The following PIK3CD variants were observed in gnomAD, a reference collection of about 807,000 sequenced individuals.
PIK3CD encodes phosphatidylinositol-4,5-bisphosphate 3-kinase catalytic subunit delta, also known as phosphatidylinositol 4,5-bisphosphate 3-kinase catalytic subunit delta isoform.
PIK3CD carries 20 observed loss-of-function variants against 122.9 expected under a neutral mutation model. That is an observed-to-expected ratio of 0.16 (90% CI 0.11 to 0.24). The LOEUF (loss-of-function observed/expected upper bound fraction) is 0.24, where lower values mean the gene tolerates loss of function less well. Among genes scored for constraint, PIK3CD ranks in the 10% least tolerant of loss-of-function variants. PIK3CD has a pLI of 1.00. For missense variants in PIK3CD, 787 were observed against 1,406.3 expected, an observed-to-expected ratio of 0.56 and a Z score of 7.04; for synonymous variants, 596 against 593.4, an observed-to-expected ratio of 1.00 and a Z score of -0.06.
At chr1:9,646,763 G>C (rs1048773972), upstream of PIK3CD, among the ~76,000 whole-genome samples, 2 of 152,042 alleles carry the variant, frequency 1.3e-5, no homozygotes, top group Non-Finnish European at 2.9e-5. Context: ...GACCAGCCTG[G>C]CCAACATGGT....
chr1:9,657,576 C>T (rs1644894065), intron 1 of PIK3CD, among the ~76,000 whole-genome samples: 5 of 152,072 alleles, frequency 3.3e-5, no homozygotes, highest in Admixed American at 2.6e-4. Flanking sequence ...CCCCAACCTC[C>T]TGGGGTCCCA....
intron 2 of PIK3CD, among the ~76,000 whole-genome samples, chr1:9,708,172 TTTTG>T (rs368197254): frequency 0.016 from 2,446 of 151,272 alleles, 49 homozygotes; most frequent in African/African-American, 0.043. Context: ...CATACAGGCT[TTTTG>T]TTTGTTTGTT....
At chr1:9,636,950 T>A in the PIK3CD span, among the ~76,000 whole-genome samples, 1 of 151,942 alleles carries the variant, frequency 6.6e-6, no homozygotes, top group Non-Finnish European at 1.5e-5. Context: ...CAGGCTGGAA[T>A]GCAGTGGCCC....
At chr1:9,702,196 T>C (rs1646660120) in intron 2 of PIK3CD, among the ~76,000 whole-genome samples, 1 of 151,986 alleles carries the variant, frequency 6.6e-6, no homozygotes, top group East Asian at 1.9e-4. Context: ...GGTTTCACCA[T>C]GTTGGCCAGG....
intron 1 of PIK3CD, among the ~76,000 whole-genome samples, chr1:9,664,679 T>A (rs984879399): frequency 6.6e-6 from 1 of 152,142 alleles, no homozygotes; most frequent in Non-Finnish European, 1.5e-5. Context: ...CAGGGAGAGT[T>A]GTTTGTTGGG....
chr1:9,639,135 C>T, the PIK3CD span, among the ~76,000 whole-genome samples: 1 of 152,068 alleles, frequency 6.6e-6, no homozygotes, highest in African/African-American at 2.4e-5. Context: ...GAAATGGTTT[C>T]TTCTAATCCT....
Position 9,722,589 on chromosome 1 carries a change from G to A in PIK3CD, c.2409G>A (p.Gln803=), listed in dbSNP as rs1648852763. ...MIQLMDVLWK[Q]EGLDLRMTPY... ...AGCTCATGGACGTCCTGTGGAAGCA[G>A]GAGGGGCTGGACCTGAGGTGAGGAC... is the stretch of plus-strand genomic sequence containing the variant. Residue 803 remains glutamine (Q), a synonymous_variant, in exon 19 of 24, where the codon CAG becomes CAA. Transcript: ENST00000377346. This position sits in a 1 kb window ranked among gnomAD's most constrained non-coding sequence, Gnocchi z 7.6. 5.0e-6 allele frequency: 8 copies of A among 1,613,672 alleles called. No homozygotes were observed. The highest frequency in any genetic ancestry group is 6.8e-6 in the Non-Finnish European group (8 of 1,179,904).
At chr1:9,686,049 T>C (rs1263520706) in intron 1 of PIK3CD, among the ~76,000 whole-genome samples, 1 of 152,166 alleles carries the variant, frequency 6.6e-6, no homozygotes, top group Non-Finnish European at 1.5e-5. Flanking sequence ...ACAGCAAAAG[T>C]GTGATGAAAT....
chr1:9,716,732 T>A (rs1647526777), intron 6 of PIK3CD, 113 bp downstream of exon 6: 1 of 1,253,118 alleles, frequency 8.0e-7, no homozygotes. Context: ...AGCCAGGCCT[T>A]TGGGTCACCG....
chr1:9,696,483 G>A (rs1313544916), intron 2 of PIK3CD, among the ~76,000 whole-genome samples: 1 of 151,696 alleles, frequency 6.6e-6, no homozygotes. Context: ...TAGGTATGGT[G>A]GCCCACACCT....
chr1:9,699,202 C>CCT (rs1305926683), intron 2 of PIK3CD, among the ~76,000 whole-genome samples: 1 of 151,904 alleles, frequency 6.6e-6, no homozygotes, highest in African/African-American at 2.4e-5. Context: ...AGAATGAGAC[C>CCT]CTCTCTGCGA....
chr1:9,726,664 T>C (rs1250384943), intron 23 of PIK3CD, among the ~76,000 whole-genome samples: 1 of 152,152 alleles, frequency 6.6e-6, no homozygotes, highest in East Asian at 1.9e-4. Flanking sequence ...GCTGCTCCCA[T>C]GCTCCTCCCA....
At chr1:9,673,577 A>G (rs1317379053) in intron 1 of PIK3CD, among the ~76,000 whole-genome samples, 1 of 151,636 alleles carries the variant, frequency 6.6e-6, no homozygotes, top group Non-Finnish European at 1.5e-5. Flanking sequence ...AATTTTTTTG[A>G]TTTTTAGTAG....
chr1:9,692,520 T>A (rs748896759), intron 2 of PIK3CD, among the ~76,000 whole-genome samples: 51 of 151,250 alleles, frequency 3.4e-4, no homozygotes, highest in African/African-American at 9.9e-4. Context: ...AGGTCAGGAG[T>A]TCGAGACCAG....
the PIK3CD span, among the ~76,000 whole-genome samples, chr1:9,642,480 G>A: frequency 6.6e-6 from 1 of 150,472 alleles, no homozygotes; most frequent in Non-Finnish European, 1.5e-5. Context: ...CACTTTGGGA[G>A]GCCGAGGCGG....
intron 2 of PIK3CD, 131 bp downstream of exon 2, chr1:9,691,702 GCA>G: frequency 2.6e-6 from 1 of 391,984 alleles, no homozygotes; most frequent in East Asian, 3.6e-5. Context: ...TGTAGGACTA[GCA>G]CACCCAGAGG....
chr1:9,694,718 T>C (rs1323278593), intron 2 of PIK3CD, among the ~76,000 whole-genome samples: 3 of 152,016 alleles, frequency 2.0e-5, no homozygotes, highest in Non-Finnish European at 4.4e-5. Flanking sequence ...ATCCCAGCAC[T>C]TTGGGAGGCT....
intron 2 of PIK3CD, among the ~76,000 whole-genome samples, chr1:9,699,447 C>T (rs1213819271): frequency 6.6e-6 from 1 of 152,160 alleles, no homozygotes; most frequent in Non-Finnish European, 1.5e-5. Flanking sequence ...CTGCTTAAAA[C>T]CCTCCAGTGA....
chr1:9,673,216 A>G (rs1007227011), intron 1 of PIK3CD, among the ~76,000 whole-genome samples: 1 of 150,496 alleles, frequency 6.6e-6, no homozygotes, highest in Non-Finnish European at 1.5e-5. Context: ...TTCCTGCCTC[A>G]GCCTCCTAAG....
Sources: gnomAD v4.1 joint callset for allele counts (sites outside exome capture counted in the v4.1 genomes callset) on GRCh38, gnomAD v4.1.1 for gene constraint, Gnocchi (gnomAD v3.1) non-coding constraint, MANE v1.5 for transcripts, NCBI Gene and HGNC (gene_info 2026-07-23, HGNC 2026-07-21) for gene names.